The following ABCD3 variants were observed in gnomAD, a reference collection of about 807,000 sequenced individuals.
The protein encoded by ABCD3 is ATP-binding cassette sub-family D member 3.
A neutral mutation model predicts 105.5 loss-of-function variants in ABCD3; 41 were observed. The observed-to-expected ratio is 0.39, with a 90% CI of 0.30 to 0.50. The LOEUF (loss-of-function observed/expected upper bound fraction) is 0.50. Among genes scored for constraint, ABCD3 ranks in the 20% least tolerant of loss-of-function variants. The pLI, the probability that ABCD3 is intolerant of heterozygous loss-of-function variation, is 0.84. For missense variants in ABCD3, 622 were observed against 806.3 expected (o/e 0.77, Z 2.77); for synonymous variants, 258 against 269.0 (o/e 0.96, Z 0.40).
At chr1:94,388,134 A>G in the ABCD3 span, among the ~76,000 whole-genome samples, 16 of 152,232 alleles carry the variant, frequency 1.1e-4, no homozygotes, top group South Asian at 2.1e-4. Context: ...ACCAAGTACA[A>G]GTAAAATTAT....
chr1:94,418,711 C>G (rs910883454), intron 1 of ABCD3, 123 bp downstream of exon 1: 12 of 979,232 alleles, frequency 1.2e-5, no homozygotes, highest in Non-Finnish European at 1.4e-5. Context: ...GAGGGCCGAC[C>G]GCGACTGCCG....
At chr1:94,424,412 C>T (rs1467081561) in intron 1 of ABCD3, among the ~76,000 whole-genome samples, 1 of 151,916 alleles carries the variant, frequency 6.6e-6, no homozygotes, top group Non-Finnish European at 1.5e-5. Context: ...TATTGCCATT[C>T]GATTTATTTT....
chr1:94,496,694 G>GGTTTTTTTTTTTTT (rs1302104709), intron 16 of ABCD3, among the ~76,000 whole-genome samples: 1 of 39,368 alleles, frequency 2.5e-5, no homozygotes. Flanking sequence ...CCTTGTTTCT[G>GGTTTTTTTTTTTTT]TTTTTTTTTT....
At chr1:94,423,931 A>G (rs547974670) in intron 1 of ABCD3, among the ~76,000 whole-genome samples, 44 of 152,226 alleles carry the variant, frequency 2.9e-4, no homozygotes, top group African/African-American at 1.1e-3. Flanking sequence ...CACTTTTCTC[A>G]GTTTCACAGG....
the ABCD3 span, among the ~76,000 whole-genome samples, chr1:94,398,323 A>G: frequency 6.6e-6 from 1 of 152,132 alleles, no homozygotes; most frequent in Admixed American, 6.6e-5. Flanking sequence ...CATGACTTGC[A>G]TTATCTACAA....
intron 1 of ABCD3, among the ~76,000 whole-genome samples, chr1:94,431,456 A>G (rs1158444285): frequency 2.0e-5 from 3 of 152,080 alleles, no homozygotes; most frequent in Admixed American, 6.6e-5. Context: ...CTGTTAAGAA[A>G]CTCATAGACT....
At chr1:94,426,742 G>A (rs376365299) in intron 1 of ABCD3, among the ~76,000 whole-genome samples, 38 of 151,626 alleles carry the variant, frequency 2.5e-4, no homozygotes, top group South Asian at 1.7e-3. Context: ...ATGGGGTTTC[G>A]CCATGTTGGC....
At chr1:94,501,888 A>C (rs1249316505) in intron 20 of ABCD3, among the ~76,000 whole-genome samples, 1 of 125,882 alleles carries the variant, frequency 7.9e-6, no homozygotes, top group Admixed American at 8.0e-5. Flanking sequence ...TTTTTTTTTT[A>C]CCTTAAATTA....
chr1:94,404,216 C>T, the ABCD3 span, among the ~76,000 whole-genome samples: 1 of 152,162 alleles, frequency 6.6e-6, no homozygotes, highest in African/African-American at 2.4e-5. Flanking sequence ...TACCTTTGCT[C>T]ATTTGATCAA....
At position 94,468,017 on chromosome 1, in the gene ABCD3, C is replaced by A; in HGVS notation, c.335+10C>A. On this transcript the variant is annotated intron_variant, in intron 4 of 22. Transcript: ENST00000370214. ...GGACACTAATTGAAAGGTACTTTTT[C>A]AATCACCTTCCTCCTATATGTATGA... 1 of 1,581,428 alleles carries A rather than the reference C, an allele frequency of 6.3e-7. No individual in the cohort carries two copies. Among genetic ancestry groups the A allele is most frequent in the Non-Finnish European group, 8.7e-7 (1 of 1,150,620 alleles).
At chr1:94,497,361 A>G (rs188058688) in intron 16 of ABCD3, among the ~76,000 whole-genome samples, 84 of 152,278 alleles carry the variant, frequency 5.5e-4, no homozygotes, top group African/African-American at 1.9e-3. Context: ...ATAAATATTC[A>G]TTGAATTAAA....
At chr1:94,508,656 C>CT (rs1314936204) in intron 21 of ABCD3, among the ~76,000 whole-genome samples, 3 of 149,642 alleles carry the variant, frequency 2.0e-5, no homozygotes, top group African/African-American at 7.3e-5. Flanking sequence ...TTTGTATCCT[C>CT]TTTTATTTCC....
Position 94,515,217 on chromosome 1 carries a change from C to G in ABCD3, c.1902+15C>G. 2 of 1,590,464 alleles carry G rather than the reference C, an allele frequency of 1.3e-6. No individual in the cohort carries two copies. The highest frequency in any genetic ancestry group is 1.7e-6 in the Non-Finnish European group (2 of 1,159,654). On this transcript the variant is annotated intron_variant, in intron 22 of 22. Transcript: ENST00000370214. ...AACATCATGAGGTTTGTATTTCTTTCATTGAATGGTACAGTGAAATTTTAT... is the reference window on the plus strand; with the variant it reads ...AACATCATGAGGTTTGTATTTCTTTGATTGAATGGTACAGTGAAATTTTAT...
At chr1:94,510,430 T>C (rs1650600822) in intron 21 of ABCD3, among the ~76,000 whole-genome samples, 1 of 152,210 alleles carries the variant, frequency 6.6e-6, no homozygotes, top group African/African-American at 2.4e-5. Context: ...AATTTTGGAA[T>C]AGGTGTGGTG....
chr1:94,499,786 AT>A (rs1557688734), intron 20 of ABCD3, among the ~76,000 whole-genome samples, 172 bp downstream of exon 20: 3 of 152,208 alleles, frequency 2.0e-5, no homozygotes, highest in African/African-American at 7.2e-5. Context: ...TAAATTTGGA[AT>A]TCTGAAAAAT....
chr1:94,510,623 C>CT (rs1489288672), intron 21 of ABCD3, among the ~76,000 whole-genome samples: 1 of 152,074 alleles, frequency 6.6e-6, no homozygotes, highest in African/African-American at 2.4e-5. Context: ...GTGTGGGAGT[C>CT]TAAGTCTCTT....
chr1:94,450,319 C>T (rs1260518124), intron 1 of ABCD3, among the ~76,000 whole-genome samples: 1 of 152,220 alleles, frequency 6.6e-6, no homozygotes, highest in South Asian at 2.1e-4. Flanking sequence ...GGAACAGGCC[C>T]CCCAAATCTG....
intron 21 of ABCD3, among the ~76,000 whole-genome samples, chr1:94,509,553 C>T (rs542627207): frequency 8.5e-4 from 129 of 152,122 alleles, no homozygotes; most frequent in African/African-American, 2.9e-3. Flanking sequence ...GAATAGTTTC[C>T]GAAGGAATGG....
chr1:94,388,933 G>A, the ABCD3 span, among the ~76,000 whole-genome samples: 235 of 152,140 alleles, frequency 1.5e-3, no homozygotes, highest in African/African-American at 5.4e-3. Flanking sequence ...CTTATGAGAT[G>A]CATCTTAAAA....
Sources: allele counts gnomAD v4.1 joint callset (sites outside exome capture counted in the v4.1 genomes callset), GRCh38; gene constraint gnomAD v4.1.1; transcripts MANE v1.5; gene names NCBI Gene and HGNC (gene_info 2026-07-23, HGNC 2026-07-21).